Variants in SLAMF8 observed in about 807,000 individuals in gnomAD.
SLAMF8 encodes B lymphocyte activator macrophage expressed.
In SLAMF8, 23 loss-of-function variants were observed where a neutral mutation model predicts 29.0. That is an observed-to-expected ratio of 0.79 (90% CI 0.57 to 1.13). The LOEUF is 1.13. Among genes scored for constraint, SLAMF8 ranks in the 50% most tolerant of loss-of-function variants. The pLI is 0.00. For missense variants in SLAMF8, 381 were observed against 353.1 expected (o/e 1.08, Z -0.63); for synonymous variants, 139 against 145.6 (o/e 0.96, Z 0.32).
chr1:159,835,692 G>T lies in SLAMF8; in HGVS notation c.*432G>T. The T allele has an allele frequency of 1.0e-6, 1 of 988,154 alleles. No individual in the cohort carries two copies. The highest frequency in any genetic ancestry group is 1.7e-5 in the African/African-American group (1 of 57,428). 61.2% of individuals were successfully genotyped at this position (988,154 alleles called of 1,614,324 possible). On this transcript the variant is annotated 3_prime_UTR_variant, in exon 5 of 5. Transcript: ENST00000289707. ...ATATTACATATTTGAACTAATAGAG[G>T]AACTCTGAGTCACCCATGCCAGCAT...
rs1647372007 is a variant in SLAMF8 at position 159,830,112 on chromosome 1, G to C, written c.287G>C (p.Gly96Ala). The change falls in exon 2 of 5, where the codon GGA (glycine) becomes GCA (alanine). Residue 96 changes from glycine to alanine, a missense_variant. Transcript: ENST00000289707. The stretch of plus-strand genomic sequence containing the variant: ...CTGGAGCTCGGGCCGCTGGAGTCTG[G>C]AGACAGCGGCAACTTCTCCGTGTTG... Reference protein sequence around the residue: ...LSLELGPLESGDSGNFSVLMV... With the variant: ...LSLELGPLESADSGNFSVLMV... 6.2e-7 allele frequency: 1 copy of C among 1,614,100 alleles called. No individual in the cohort carries two copies. Among genetic ancestry groups the C allele is most frequent in the Non-Finnish European group, 8.5e-7 (1 of 1,180,050 alleles).
Position 159,833,152 on chromosome 1 carries a change from C to G in SLAMF8, c.644C>G (p.Thr215Arg). 6.2e-7 allele frequency: 1 copy of G among 1,614,128 alleles called. No individual in the cohort carries two copies. The highest frequency in any genetic ancestry group is 8.5e-7 in the Non-Finnish European group (1 of 1,180,022). The change falls in exon 3 of 5, where the codon ACG (threonine) becomes AGG (arginine). Residue 215 changes from threonine (T) to arginine (R), a missense_variant. By Grantham distance (71) the Thr-to-Arg change is moderately conservative. Coordinates refer to ENST00000289707, the MANE Select transcript of SLAMF8 (RefSeq NM_020125.3). ...NPVSWDLATV[T>R]PWDSCHHEAA... ...GTCAGCTGGGACTTGGCCACAGTCA[C>G]GCCCTGGGATAGCTGTCATCATGAG... is the stretch of plus-strand genomic sequence containing the variant.
rs1340572333 is a variant in SLAMF8 at position 159,836,364 on chromosome 1, T to A, written c.*1104T>A. On this transcript the variant is annotated 3_prime_UTR_variant, in exon 5 of 5. Transcript: ENST00000289707. ...TCCATCAAACTTTTTATTGTGGCCA[T>A]CTTAGGAAAATACATTCTGCCCCTG... 2.0e-6 allele frequency: 2 copies of A among 985,348 alleles called. No homozygotes were observed. Among genetic ancestry groups the A allele is most frequent in the Non-Finnish European group, 2.4e-6 (2 of 829,956 alleles). The allele number at this position is 985,348 out of a possible 1,614,324, so 61.0% of individuals were successfully genotyped here.
At chr1:159,832,849 C>A (rs759210710) in intron 2 of SLAMF8, 27 bp from the exon 3 acceptor site, 4 of 1,604,608 alleles carry the variant, frequency 2.5e-6, no homozygotes, top group African/African-American at 2.7e-5. Context: ...CCCTGAGACC[C>A]ATACCAGCTG....
At chr1:159,833,442 C>T (rs1647652918) in intron 4 of SLAMF8, 73 bp downstream of exon 4, 10 of 1,605,044 alleles carry the variant, frequency 6.2e-6, no homozygotes, top group Non-Finnish European at 6.0e-6. Flanking sequence ...CTTGGACCTC[C>T]TCCTATTTAG....
chr1:159,835,086 G>C, intron 4 of SLAMF8, 98 bp from the exon 5 acceptor site: 1 of 1,110,882 alleles, frequency 9.0e-7, no homozygotes, highest in South Asian at 1.5e-5. Flanking sequence ...AGGTGACCTT[G>C]GGCTAACACA....
chr1:159,826,995 G>T, intron 1 of SLAMF8, 57 bp downstream of exon 1: 1 of 1,606,514 alleles, frequency 6.2e-7, no homozygotes. Flanking sequence ...CTCCCCAGCT[G>T]CCTATGCCAG....
intron 1 of SLAMF8, among the ~76,000 whole-genome samples, chr1:159,828,189 G>C (rs1347472065): frequency 1.3e-5 from 2 of 152,134 alleles, no homozygotes; most frequent in African/African-American, 4.8e-5. Context: ...GACTGACCTG[G>C]TACAGACCCC....
rs1647378039 is a variant in SLAMF8 at position 159,830,122 on chromosome 1, C to G, written c.297C>G (p.Gly99=). 6.2e-7 allele frequency: 1 copy of G among 1,614,168 alleles called. No individual in the cohort carries two copies. Among genetic ancestry groups the G allele is most frequent in the Non-Finnish European group, 8.5e-7 (1 of 1,180,004 alleles). Reference sequence around the variant, plus strand: ...GGCCGCTGGAGTCTGGAGACAGCGGCAACTTCTCCGTGTTGATGGTGGACA... The same window carrying G: ...GGCCGCTGGAGTCTGGAGACAGCGGGAACTTCTCCGTGTTGATGGTGGACA... ...ELGPLESGDS[G]NFSVLMVDTR... Residue 99 remains glycine, a synonymous_variant, in exon 2 of 5, where the codon GGC becomes GGG. Coordinates refer to ENST00000289707, the MANE Select transcript of SLAMF8 (RefSeq NM_020125.3).
Position 159,835,569 on chromosome 1 carries a change from T to C in SLAMF8, c.*309T>C. Reference sequence around the variant, plus strand: ...CCAGGATCCAGATCCATGGGGACATTAATAGTCCAAGGCATTCCCTCCCCC... The same window carrying C: ...CCAGGATCCAGATCCATGGGGACATCAATAGTCCAAGGCATTCCCTCCCCC... On this transcript the variant is annotated 3_prime_UTR_variant, in exon 5 of 5. Coordinates refer to ENST00000289707, the MANE Select transcript of SLAMF8 (RefSeq NM_020125.3). 1 of 1,130,234 alleles carries C rather than the reference T, an allele frequency of 8.8e-7. No homozygotes were observed. Among genetic ancestry groups the C allele is most frequent in the Non-Finnish European group, 1.1e-6 (1 of 921,760 alleles). 70.0% of individuals were successfully genotyped at this position (1,130,234 alleles called of 1,614,324 possible). A position where few individuals can be genotyped will look rare whatever the true frequency, so the allele number is the denominator to read the frequency against.
Position 159,833,663 on chromosome 1 carries a change from C to T in SLAMF8, c.781+294C>T, listed in dbSNP as rs182541754. On this transcript the variant is annotated intron_variant, in intron 4 of 4. Transcript: ENST00000289707. ...CCATGATTTCCCACCCAGCCTCCCCCCTTCATGTGGCTATCTCATACTCAG... is the reference window on the plus strand; with the variant it reads ...CCATGATTTCCCACCCAGCCTCCCCTCTTCATGTGGCTATCTCATACTCAG... Among the ~76,000 whole-genome samples the T allele has an allele frequency of 8.4e-4, 128 of 152,310 alleles. No homozygotes were observed. In the East Asian group the frequency reaches 0.019, roughly 23 times the overall value.
intron 1 of SLAMF8, among the ~76,000 whole-genome samples, chr1:159,829,228 A>G (rs577782783): frequency 6.6e-6 from 1 of 152,082 alleles, no homozygotes; most frequent in African/African-American, 2.4e-5. Flanking sequence ...CTTTCTAACC[A>G]TGCATCTAAT....
At chr1:159,831,347 C>A (rs6427497) in intron 2 of SLAMF8, among the ~76,000 whole-genome samples, 1 of 151,926 alleles carries the variant, frequency 6.6e-6, no homozygotes, top group South Asian at 2.1e-4. Flanking sequence ...TGTCCTTGGG[C>A]GAGCCACTCA....
rs114295130 is a variant in SLAMF8, at chr1:159,829,680, T to G, written c.41-186T>G. Among the ~76,000 whole-genome samples the G allele has an allele frequency of 2.6e-4, 39 of 152,228 alleles. No individual in the cohort carries two copies. The highest frequency in any genetic ancestry group is 2.0e-3 in the Admixed American group (30 of 15,286). On this transcript the variant is annotated intron_variant, in intron 1 of 4. Coordinates refer to ENST00000289707, the MANE Select transcript of SLAMF8 (RefSeq NM_020125.3). ...TGTCTGGCTTCCTCTGTAAGTTCCATGAATGCAGAGACTGGGGTTATCTTC... is the reference window on the plus strand; with the variant it reads ...TGTCTGGCTTCCTCTGTAAGTTCCAGGAATGCAGAGACTGGGGTTATCTTC...
intron 1 of SLAMF8, among the ~76,000 whole-genome samples, chr1:159,828,631 AG>A (rs1296771017): frequency 1.3e-5 from 2 of 152,178 alleles, no homozygotes; most frequent in Non-Finnish European, 2.9e-5. Flanking sequence ...AACGATGGGG[AG>A]AAAGAGCTCA....
At chr1:159,827,011 T>A (rs1259680242) in intron 1 of SLAMF8, 73 bp downstream of exon 1, 1 of 1,585,188 alleles carries the variant, frequency 6.3e-7, no homozygotes, top group Non-Finnish European at 8.6e-7. Flanking sequence ...GCCAGACGTC[T>A]GGGCAGGGAT....
At chr1:159,827,926 T>C (rs1663729247) in intron 1 of SLAMF8, among the ~76,000 whole-genome samples, 1 of 152,048 alleles carries the variant, frequency 6.6e-6, no homozygotes, top group Non-Finnish European at 1.5e-5. Context: ...CTCTGCCTCC[T>C]GGGTTCAAGC....
Position 159,832,969 on chromosome 1 carries a change from C to T in SLAMF8, c.461C>T (p.Ala154Val). Reference sequence around the variant, plus strand: ...TGCCAGGTTTTCTTGTCCTGTTGGGCCCCCAACATCAGCGAAATAACCTAT... The same window carrying T: ...TGCCAGGTTTTCTTGTCCTGTTGGGTCCCCAACATCAGCGAAATAACCTAT... Reference protein sequence around the residue: ...KTCQVFLSCWAPNISEITYSW... With the variant: ...KTCQVFLSCWVPNISEITYSW... The change falls in exon 3 of 5, where the codon GCC becomes GTC. Residue 154 changes from alanine to valine, a missense_variant. Transcript: ENST00000289707. 5 of 1,614,204 alleles carry T rather than the reference C, an allele frequency of 3.1e-6. No individual in the cohort carries two copies. The highest frequency in any genetic ancestry group is 2.5e-6 in the Non-Finnish European group (3 of 1,180,032).
Position 159,830,025 on chromosome 1 carries a change from C to T in SLAMF8, c.200C>T (p.Ser67Phe). Residue 67 changes from serine to phenylalanine, a missense_variant, in exon 2 of 5, where the codon TCC becomes TTC. Transcript: ENST00000289707. ...EELLATFFRGSLETLYHSRFL... is the reference protein window; with the variant it reads ...EELLATFFRGFLETLYHSRFL... Reference sequence around the variant, plus strand: ...CTCCTGGCCACGTTTTTCCGAGGCTCCCTGGAGACTCTGTACCATTCCCGC... The same window carrying T: ...CTCCTGGCCACGTTTTTCCGAGGCTTCCTGGAGACTCTGTACCATTCCCGC... 2 of 1,614,246 alleles carry T rather than the reference C, an allele frequency of 1.2e-6. No individual in the cohort carries two copies. The highest frequency in any genetic ancestry group is 1.7e-6 in the Non-Finnish European group (2 of 1,180,042).
Sources: gnomAD v4.1 joint callset for allele counts (sites outside exome capture counted in the v4.1 genomes callset) on GRCh38, gnomAD v4.1.1 for gene constraint, MANE v1.5 for transcripts, NCBI Gene and HGNC (gene_info 2026-07-23, HGNC 2026-07-21) for gene names.